The following CLK1 variants were observed in gnomAD, a reference collection of about 807,000 sequenced individuals.
CLK1 encodes the protein CDC like kinase 1.
A neutral mutation model predicts 60.9 loss-of-function variants in CLK1; 40 were observed. The ratio of observed to expected loss-of-function variants is 0.66; its 90% CI spans 0.51 to 0.86. The LOEUF (loss-of-function observed/expected upper bound fraction) is 0.86, where lower values mean the gene tolerates loss of function less well. Ranked by LOEUF, CLK1 falls within the 40% of genes least tolerant of loss-of-function variation. The pLI is 0.00. For missense variants in CLK1, 563 were observed against 606.1 expected (o/e 0.93, Z 0.75); for synonymous variants, 203 against 184.4 (o/e 1.10, Z -0.82).
intron 4 of CLK1, 60 bp from the exon 5 acceptor site, chr2:200,859,806 A>G (rs1194516359): frequency 6.2e-7 from 1 of 1,600,814 alleles, no homozygotes; most frequent in African/African-American, 1.3e-5. Context: ...ACTTATCACA[A>G]TAAATGCTAT....
rs2038975011 is a variant in CLK1, at chr2:200,853,274, G to A, written c.*32C>T. 1 of 1,542,692 alleles carries A rather than the reference G, an allele frequency of 6.5e-7. No homozygotes were observed. The highest frequency in any genetic ancestry group is 1.4e-5 in the African/African-American group (1 of 72,130). On this transcript the variant is annotated 3_prime_UTR_variant, in exon 13 of 13. Coordinates refer to ENST00000321356, the MANE Select transcript of CLK1 (RefSeq NM_004071.4). ...AAAATTAGACTGATACAGTCTGTAA[G>A]ATCTCTTCGAGAGAGCTGTCCAATT...
chr2:200,854,900 A>T (rs1366818891), intron 10 of CLK1, 104 bp downstream of exon 10: 3 of 871,782 alleles, frequency 3.4e-6, no homozygotes, highest in Non-Finnish European at 3.7e-6. Flanking sequence ...ATTTATGCTT[A>T]TCTACAATTA....
In CLK1 at chr2:200,861,255, G is replaced by A; in HGVS notation, c.373C>T (p.His125Tyr). 1 of 1,614,144 alleles carries A rather than the reference G, an allele frequency of 6.2e-7. No homozygotes were observed. Among genetic ancestry groups the A allele is most frequent in the Non-Finnish European group, 8.5e-7 (1 of 1,179,990 alleles). Residue 125 changes from histidine to tyrosine, a missense_variant, in exon 3 of 13, where the codon CAT becomes TAT. By Grantham distance (83) the His-to-Tyr change is moderately conservative. Around this residue, in one of 3 missense-constraint regions of CLK1, gnomAD observed 198 missense variants for 179.2 expected, o/e 1.10. Transcript: ENST00000321356. Reference protein sequence around the residue: ...SKHRIHHSTSHRRSHGKSHRR... With the variant: ...SKHRIHHSTSYRRSHGKSHRR... Reference sequence around the variant, plus strand: ...GTTCATACCCCATGTGAACGACGATGTGAAGTACTGTGGTGAATCCTGTGT... The same window carrying A: ...GTTCATACCCCATGTGAACGACGATATGAAGTACTGTGGTGAATCCTGTGT...
chr2:200,858,437 C>G (rs2039079904), intron 5 of CLK1, among the ~76,000 whole-genome samples: 1 of 152,122 alleles, frequency 6.6e-6, no homozygotes, highest in African/African-American at 2.4e-5. Flanking sequence ...GCTCTCACGC[C>G]TATAATCCCA....
chr2:200,854,282 T>C, intron 11 of CLK1: 1 of 347,296 alleles, frequency 2.9e-6, no homozygotes, highest in South Asian at 3.8e-5. Flanking sequence ...ACGCCTGTAA[T>C]CTCAGCACTT....
chr2:200,854,896 G>C, intron 10 of CLK1, 108 bp downstream of exon 10: 1 of 853,812 alleles, frequency 1.2e-6, no homozygotes. Flanking sequence ...GTTTATTTAT[G>C]CTTATCTACA....
At position 200,853,367 on chromosome 2, in the gene CLK1, C is replaced by T. The variant is rs13413318; in HGVS notation, c.1394G>A (p.Arg465Lys). 6.2e-7 allele frequency: 1 copy of T among 1,613,454 alleles called. No homozygotes were observed. The change falls in exon 13 of 13, where the codon AGA becomes AAA. Residue 465 changes from arginine (R) to lysine (K), a missense_variant. Arg to Lys is a conservative substitution (Grantham distance 26, BLOSUM62 2). Around this residue, in one of 3 missense-constraint regions of CLK1, gnomAD observed 360 missense variants for 407.0 expected, o/e 0.88. Coordinates refer to ENST00000321356, the MANE Select transcript of CLK1 (RefSeq NM_004071.4). ...QKMLEYDPAK[R>K]ITLREALKHP... ...CTTTAAGGCTTCTCTGAGAGTAATT[C>T]TTTTGGCTGGATCATACTCCAACAT...
intron 1 of CLK1, 71 bp from the exon 2 acceptor site, chr2:200,861,933 A>G (rs980272524): frequency 4.3e-6 from 6 of 1,390,354 alleles, no homozygotes; most frequent in Non-Finnish European, 6.0e-6. Flanking sequence ...CGTAATTACA[A>G]AGGTCCCCTC....
rs1456463709 is a variant in CLK1, at chr2:200,861,424, A to G, written c.204T>C (p.His68=). The G allele has an allele frequency of 6.2e-7, 1 of 1,614,022 alleles. No homozygotes were observed. Among genetic ancestry groups the G allele is most frequent in the South Asian group, 1.1e-5 (1 of 91,010 alleles). The part of the protein sequence containing the change: ...ESRSINEKDY[H]SRRYIDEYRN... The stretch of plus-strand genomic sequence containing the variant: ...TGTACTCATCAATGTAGCGTCGACT[A>G]TGATAATCTTTCTCATTTATAGACC... The change falls in exon 3 of 13, where the codon CAT becomes CAC. Residue 68 remains histidine, a synonymous_variant. Transcript: ENST00000321356.
chr2:200,856,999 G>A lies in CLK1; in HGVS notation c.833-14C>T. 2 of 1,604,874 alleles carry A rather than the reference G, an allele frequency of 1.2e-6. No homozygotes were observed. The highest frequency in any genetic ancestry group is 1.1e-5 in the South Asian group (1 of 90,780). On this transcript the variant is annotated splice_polypyrimidine_tract_variant and intron_variant, in intron 7 of 12. Transcript: ENST00000321356. Reference sequence around the variant, plus strand: ...TACTGTGCAAAACTGAGAATAAAGAGAAAGTTGCTGTAATCAGAAAACACC... The same window carrying A: ...TACTGTGCAAAACTGAGAATAAAGAAAAAGTTGCTGTAATCAGAAAACACC...
chr2:200,860,346 G>A (rs2105740484), intron 3 of CLK1, 131 bp from the exon 4 acceptor site: 4 of 1,470,220 alleles, frequency 2.7e-6, no homozygotes, highest in East Asian at 4.7e-5. Context: ...GGCCACAAAC[G>A]GTTGGCAGGA....
At position 200,861,852 on chromosome 2, in the gene CLK1, G is replaced by A; in HGVS notation, c.11C>T (p.Ser4Leu). Residue 4 changes from serine to leucine, a missense_variant, in exon 2 of 13, where the codon TCA becomes TTA. This residue lies in a region of CLK1 where 198 missense variants were observed against 179.2 expected (regional missense o/e 1.10). Transcript: ENST00000321356. Reference sequence around the variant, plus strand: ...CCAATCAGGACAGTAAGTTCTCTTTGAGTGTCTCATCTACATAAAAGGCAA... The same window carrying A: ...CCAATCAGGACAGTAAGTTCTCTTTAAGTGTCTCATCTACATAAAAGGCAA... MRH[S>L]KRTYCPDWDD... 2 of 1,613,834 alleles carry A rather than the reference G, an allele frequency of 1.2e-6. No homozygotes were observed. The highest frequency in any genetic ancestry group is 1.7e-5 in the Admixed American group (1 of 59,998).
In CLK1 at chr2:200,853,938, C is replaced by T. The variant is rs1212417748; in HGVS notation, c.1276G>A (p.Gly426Ser). ...RLDWDEHSSA[G>S]RYVSRRCKPL... ...TTACAGCGTCTTGAAACATATCTGC[C>T]GGCAGAACTGTGTTCATCCCAGTCT... is the stretch of plus-strand genomic sequence containing the variant. The change falls in exon 12 of 13, where the codon GGC becomes AGC. Residue 426 changes from glycine (G) to serine (S), a missense_variant. Transcript: ENST00000321356. 7 of 1,612,388 alleles carry T rather than the reference C, an allele frequency of 4.3e-6. No homozygotes were observed. The East Asian group carries it at 6.7e-5, about 15-fold the overall frequency.
In CLK1 at chr2:200,861,423, T is replaced by G. The variant is rs760488209; in HGVS notation, c.205A>C (p.Ser69Arg). ...SRSINEKDYH[S>R]RRYIDEYRND... ...CTGTACTCATCAATGTAGCGTCGAC[T>G]ATGATAATCTTTCTCATTTATAGAC... The change falls in exon 3 of 13, where the codon AGT becomes CGT. Residue 69 changes from serine (S) to arginine (R), a missense_variant. Ser to Arg is a moderately radical substitution (Grantham distance 110). This residue lies in a region of CLK1 where 198 missense variants were observed against 179.2 expected (regional missense o/e 1.10). Transcript: ENST00000321356. The G allele has an allele frequency of 1.2e-6, 2 of 1,614,006 alleles. No individual in the cohort carries two copies. The highest frequency in any genetic ancestry group is 3.3e-5 in the Admixed American group (2 of 60,012).
At position 200,857,841 on chromosome 2, in the gene CLK1, T is replaced by A; in HGVS notation, c.709A>T (p.Ile237Phe). Residue 237 changes from isoleucine (I) to phenylalanine (F), a missense_variant, in exon 7 of 13, where the codon ATT becomes TTT. Coordinates refer to ENST00000321356, the MANE Select transcript of CLK1 (RefSeq NM_004071.4). Reference sequence around the variant, plus strand: ...CCCAATAGTTCAAAAACAATGCAAATGTGACCATGATGCTCAAACCATTCC... The same window carrying A: ...CCCAATAGTTCAAAAACAATGCAAAAGTGACCATGATGCTCAAACCATTCC... ...MLEWFEHHGH[I>F]CIVFELLGLS... is the part of the protein sequence containing the mutation. 6.2e-7 allele frequency: 1 copy of A among 1,613,826 alleles called. No individual in the cohort carries two copies. Among genetic ancestry groups the A allele is most frequent in the South Asian group, 1.1e-5 (1 of 91,020 alleles).
chr2:200,856,857 A>G (rs2039051988), intron 8 of CLK1, 34 bp downstream of exon 8: 2 of 1,613,986 alleles, frequency 1.2e-6, no homozygotes, highest in Non-Finnish European at 8.5e-7. Flanking sequence ...CTATTAAGGC[A>G]TAAGATACTT....
intron 10 of CLK1, 103 bp from the exon 11 acceptor site, chr2:200,854,798 C>T (rs2039012493): frequency 5.6e-6 from 5 of 894,404 alleles, no homozygotes; most frequent in Non-Finnish European, 9.1e-6. Context: ...AGAACAAACT[C>T]GCCAATGATT....
Position 200,854,426 on chromosome 2 carries a change from C to T in CLK1, c.1220+190G>A, listed in dbSNP as rs569487209. On this transcript the variant is annotated intron_variant, in intron 11 of 12. Transcript: ENST00000321356. Reference sequence around the variant, plus strand: ...TGGCGAGTGCCTGTAGTCCCAGCTACTCGGGAGGCTGAGACAGGAAAATGG... The same window carrying T: ...TGGCGAGTGCCTGTAGTCCCAGCTATTCGGGAGGCTGAGACAGGAAAATGG... Among the ~76,000 whole-genome samples, 4 of 151,696 alleles carry T rather than the reference C, an allele frequency of 2.6e-5. No homozygotes were observed. In the East Asian group the frequency reaches 7.8e-4, roughly 30 times the overall value.
At chr2:200,856,004 G>A (rs912133804) in intron 9 of CLK1, among the ~76,000 whole-genome samples, 12 of 151,152 alleles carry the variant, frequency 7.9e-5, no homozygotes, top group Admixed American at 2.0e-4. Context: ...GTAAGTCTCC[G>A]TCTAAAAAAT....
Sources: gnomAD v4.1 joint callset for allele counts (sites outside exome capture counted in the v4.1 genomes callset) on GRCh38, gnomAD v4.1.1 for gene constraint, gnomAD v4.1.1 regional missense constraint, MANE v1.5 for transcripts, NCBI Gene and HGNC (gene_info 2026-07-23, HGNC 2026-07-21) for gene names.